The following FTO variants were observed in gnomAD, a reference collection of about 807,000 sequenced individuals.
FTO encodes the protein alpha-ketoglutarate-dependent dioxygenase FTO.
In FTO, 47 loss-of-function variants were observed where a neutral mutation model predicts 63.9. That is an observed-to-expected ratio of 0.74 (90% CI 0.58 to 0.94). The LOEUF is 0.94. Ranked by LOEUF, FTO falls within the 40% of genes least tolerant of loss-of-function variation. The probability of loss-of-function intolerance (pLI) is 0.00; values close to 1 mark genes in which losing one functional copy is unlikely to be tolerated. For synonymous variants in FTO, 207 were observed against 224.4 expected (o/e 0.92, Z 0.69); for missense variants, 562 against 618.1 (o/e 0.91, Z 0.96).
intron 1 of FTO, among the ~76,000 whole-genome samples, chr16:53,727,014 C>G (rs2076170577): frequency 6.6e-6 from 1 of 152,222 alleles, no homozygotes; most frequent in Admixed American, 6.5e-5. Flanking sequence ...AATCAGAGTG[C>G]TGAATATATC....
At chr16:54,099,003 C>G (rs2086576028) in intron 8 of FTO, among the ~76,000 whole-genome samples, 1 of 152,178 alleles carries the variant, frequency 6.6e-6, no homozygotes, top group Non-Finnish European at 1.5e-5. Flanking sequence ...GCAAACGTTA[C>G]TTAAATTTCA....
chr16:53,974,598 T>C (rs573174539), intron 8 of FTO, among the ~76,000 whole-genome samples: 21 of 152,218 alleles, frequency 1.4e-4, no homozygotes, highest in Non-Finnish European at 2.2e-4. Flanking sequence ...AAGTCCAAGG[T>C]ACAGCAATAG....
chr16:54,041,632 TCATA>T (rs569929905), intron 8 of FTO, among the ~76,000 whole-genome samples: 62 of 152,268 alleles, frequency 4.1e-4, no homozygotes, highest in African/African-American at 1.3e-3. Flanking sequence ...TGCCCTGCTG[TCATA>T]TGAGTCCATA....
In FTO at chr16:53,843,136, C is replaced by T. The variant is rs184222490; in HGVS notation, c.752-1019C>T. Among the ~76,000 whole-genome samples the T allele has an allele frequency of 4.6e-5, 7 of 152,230 alleles. No individual in the cohort carries two copies. The East Asian group carries it at 1.4e-3, about 29-fold the overall frequency. On this transcript the variant is annotated intron_variant, in intron 3 of 8. Transcript: ENST00000471389. ...ATTTAACCAGAAACCTACTGATGAA[C>T]ATTTGAGTAATTTCTGATCTTTTGC...
intron 8 of FTO, among the ~76,000 whole-genome samples, chr16:53,990,741 C>T (rs2083790219): frequency 6.7e-6 from 1 of 149,574 alleles, no homozygotes; most frequent in African/African-American, 2.5e-5. Context: ...GATCTCGGCT[C>T]ATTGCAACAT....
At chr16:54,048,112 TAAAAAAAAAAAATTAA>T (rs1467387023) in intron 8 of FTO, among the ~76,000 whole-genome samples, 1 of 36,338 alleles carries the variant, frequency 2.8e-5, no homozygotes, top group African/African-American at 2.0e-4. Context: ...TAGAGTATAA[TAAAAAAAAAAAATTAA>T]AAAAAAAAAA....
At chr16:53,836,035 C>T (rs765524507) in intron 3 of FTO, among the ~76,000 whole-genome samples, 13 of 151,906 alleles carry the variant, frequency 8.6e-5, no homozygotes, top group Non-Finnish European at 5.9e-5. Flanking sequence ...GGATTACAGG[C>T]GCGGGCCACC....
intron 4 of FTO, among the ~76,000 whole-genome samples, chr16:53,872,266 A>G (rs191796651): frequency 4.6e-5 from 7 of 152,254 alleles, no homozygotes; most frequent in Admixed American, 4.6e-4. Context: ...GCCCTTGGGA[A>G]ATTTTTATTC....
chr16:53,978,564 G>C (rs542403050), intron 8 of FTO, among the ~76,000 whole-genome samples: 1 of 152,172 alleles, frequency 6.6e-6, no homozygotes, highest in East Asian at 1.9e-4. Context: ...TTGTTCATTT[G>C]TGGTTTTGAG....
At chr16:54,111,013 A>G (rs708278) in intron 8 of FTO, among the ~76,000 whole-genome samples, 104,701 of 152,014 alleles carry the variant, frequency 0.69, 36,228 homozygotes, top group East Asian at 0.78. Context: ...CGTTGCCCCA[A>G]TTTTTTTCCT....
At chr16:53,822,020 G>A (rs375002782) in intron 2 of FTO, among the ~76,000 whole-genome samples, 41 of 152,204 alleles carry the variant, frequency 2.7e-4, no homozygotes, top group African/African-American at 9.2e-4. Context: ...AGGCTGGAAG[G>A]GATGGCCATC....
intron 7 of FTO, among the ~76,000 whole-genome samples, chr16:53,900,607 C>CTT (rs2081379699): frequency 5.7e-5 from 6 of 105,720 alleles, no homozygotes; most frequent in East Asian, 8.1e-4. Flanking sequence ...TTCATCTGCT[C>CTT]CTTTTTTTTT....
Position 54,027,318 on chromosome 16 carries a change from G to T in FTO, c.1365-84444G>T, listed in dbSNP as rs78773996. Among the ~76,000 whole-genome samples the T allele has an allele frequency of 4.7e-3, 716 of 152,252 alleles. 6 individuals are homozygous for T. The highest frequency in any genetic ancestry group is 0.014 in the South Asian group (69 of 4,820). ...GGCAAAGCCATGAATGGAATGATAG[G>T]TTTAGGTTCAGGCCCCATGAGCTGG... On this transcript the variant is annotated intron_variant, in intron 8 of 8. Coordinates refer to ENST00000471389, the MANE Select transcript of FTO (RefSeq NM_001080432.3).
chr16:53,883,199 C>A (rs2080887492), intron 6 of FTO, among the ~76,000 whole-genome samples: 2 of 152,152 alleles, frequency 1.3e-5, no homozygotes, highest in Admixed American at 1.3e-4. Context: ...CTTTAACATG[C>A]ATATGGGCTG....
chr16:54,068,158 C>T (rs764429892), intron 8 of FTO, among the ~76,000 whole-genome samples: 3 of 152,214 alleles, frequency 2.0e-5, no homozygotes, highest in Admixed American at 6.5e-5. Context: ...AGCTTCCCCA[C>T]GGTCCTCTGG....
intron 8 of FTO, among the ~76,000 whole-genome samples, chr16:54,038,446 G>A (rs2084995290): frequency 6.6e-6 from 1 of 152,214 alleles, no homozygotes; most frequent in African/African-American, 2.4e-5. Context: ...CTTCCCAGGA[G>A]CCTCACTGTC....
At chr16:53,922,545 G>A (rs142424708) in intron 7 of FTO, among the ~76,000 whole-genome samples, 30 of 152,272 alleles carry the variant, frequency 2.0e-4, no homozygotes, top group African/African-American at 7.2e-4. Flanking sequence ...TGTCAGAACC[G>A]ACAAAGGAAA....
intron 1 of FTO, among the ~76,000 whole-genome samples, chr16:53,753,089 T>C (rs1234809146): frequency 2.6e-5 from 4 of 151,744 alleles, no homozygotes; most frequent in African/African-American, 9.7e-5. Context: ...GGTGAAACCT[T>C]GTCTCTACAA....
At chr16:53,977,495 A>T (rs1161861593) in intron 8 of FTO, among the ~76,000 whole-genome samples, 3 of 152,184 alleles carry the variant, frequency 2.0e-5, no homozygotes, top group Non-Finnish European at 4.4e-5. Flanking sequence ...CATTTCTGTG[A>T]TGTTACTGTT....
Sources: allele counts gnomAD v4.1 joint callset (sites outside exome capture counted in the v4.1 genomes callset), GRCh38; gene constraint gnomAD v4.1.1; transcripts MANE v1.5; gene names NCBI Gene and HGNC (gene_info 2026-07-23, HGNC 2026-07-21).